Variants in KIF26B observed in about 807,000 individuals in gnomAD.
KIF26B encodes the protein kinesin family member 26B.
Under a neutral mutation model 151.2 loss-of-function variants are expected in KIF26B, and 63 were observed. That is an observed-to-expected ratio of 0.42 (90% CI 0.34 to 0.51). The LOEUF (loss-of-function observed/expected upper bound fraction) is 0.51, where lower values mean the gene tolerates loss of function less well. KIF26B is among the 20% of genes least tolerant of loss of function. The pLI, the probability that KIF26B is intolerant of heterozygous loss-of-function variation, is 0.07. For missense variants in KIF26B, 2,813 were observed against 2,913.6 expected, an observed-to-expected ratio of 0.97 and a Z score of 0.79; for synonymous variants, 1,357 against 1,262.1, an observed-to-expected ratio of 1.08 and a Z score of -1.59.
At chr1:245,398,495 G>T (rs1290442233) in intron 3 of KIF26B, among the ~76,000 whole-genome samples, 2 of 151,994 alleles carry the variant, frequency 1.3e-5, no homozygotes, top group Non-Finnish European at 2.9e-5. Context: ...CAGACACCTG[G>T]GATGATCCTG....
intron 2 of KIF26B, among the ~76,000 whole-genome samples, chr1:245,285,081 T>C (rs1453988112): frequency 1.3e-5 from 2 of 152,214 alleles, no homozygotes; most frequent in African/African-American, 4.8e-5. Flanking sequence ...TAATTTATTT[T>C]TGCTCTTGTG....
chr1:245,504,330 C>T (rs967989461), intron 4 of KIF26B, among the ~76,000 whole-genome samples: 1 of 143,880 alleles, frequency 7.0e-6, no homozygotes, highest in Non-Finnish European at 1.5e-5. Context: ...GCCCTTCCTT[C>T]CTTCCCTCCT....
chr1:245,523,463 T>A (rs1157031483), intron 4 of KIF26B, among the ~76,000 whole-genome samples: 1 of 152,154 alleles, frequency 6.6e-6, no homozygotes, highest in Non-Finnish European at 1.5e-5. Flanking sequence ...CTTTGGGTCG[T>A]TATAACAAAA....
chr1:245,497,933 AG>A (rs532174048), intron 4 of KIF26B, among the ~76,000 whole-genome samples: 38 of 152,290 alleles, frequency 2.5e-4, no homozygotes, highest in African/African-American at 8.7e-4. Flanking sequence ...TAGTAGAGAC[AG>A]GGTTTCACCT....
intron 4 of KIF26B, among the ~76,000 whole-genome samples, chr1:245,503,679 G>A (rs1428624039): frequency 6.6e-6 from 1 of 152,152 alleles, no homozygotes; most frequent in Non-Finnish European, 1.5e-5. Flanking sequence ...TGTCCGTATC[G>A]GAGAGCTGGG....
chr1:245,450,314 T>C (rs1659358264), intron 4 of KIF26B, among the ~76,000 whole-genome samples: 2 of 152,226 alleles, frequency 1.3e-5, no homozygotes, highest in Admixed American at 1.3e-4. Flanking sequence ...GGGACTTGCC[T>C]GCCACTGACA....
intron 2 of KIF26B, among the ~76,000 whole-genome samples, chr1:245,162,535 G>A (rs1158885338): frequency 1.3e-5 from 2 of 151,794 alleles, no homozygotes. Context: ...ACAGGCGCCC[G>A]CCACCACGCC....
chr1:245,213,237 C>A (rs1022350198), intron 2 of KIF26B, among the ~76,000 whole-genome samples: 2 of 152,216 alleles, frequency 1.3e-5, no homozygotes, highest in Admixed American at 6.5e-5. Context: ...AAGACAGACT[C>A]TCAGGCTGGT....
chr1:245,262,068 A>G (rs1670655087), intron 2 of KIF26B, among the ~76,000 whole-genome samples: 1 of 152,162 alleles, frequency 6.6e-6, no homozygotes, highest in Admixed American at 6.5e-5. Context: ...TGACGAGCAC[A>G]TTATTACCTC....
intron 5 of KIF26B, among the ~76,000 whole-genome samples, chr1:245,561,304 C>T (rs964154965): frequency 2.6e-5 from 4 of 152,114 alleles, no homozygotes; most frequent in Non-Finnish European, 4.4e-5. Context: ...GGGCAGCTAC[C>T]GATACAGAGG....
intron 2 of KIF26B, among the ~76,000 whole-genome samples, chr1:245,228,575 A>G (rs1187404322): frequency 6.6e-6 from 1 of 152,238 alleles, no homozygotes; most frequent in Non-Finnish European, 1.5e-5. Flanking sequence ...CTCAAAAAAA[A>G]AAAAACAAAA....
intron 3 of KIF26B, among the ~76,000 whole-genome samples, chr1:245,385,208 TTAAA>T (rs1673513526): frequency 6.6e-6 from 1 of 152,190 alleles, no homozygotes. Context: ...AATAGAGTAA[TTAAA>T]AAGAAAGTCA....
At chr1:245,297,312 C>G (rs1305805003) in intron 2 of KIF26B, among the ~76,000 whole-genome samples, 1 of 152,180 alleles carries the variant, frequency 6.6e-6, no homozygotes, top group Non-Finnish European at 1.5e-5. Context: ...CACTGCACTC[C>G]AGCCTGAGTG....
chr1:245,658,389 A>G (rs1294719119), intron 10 of KIF26B, among the ~76,000 whole-genome samples: 1 of 152,136 alleles, frequency 6.6e-6, no homozygotes, highest in Non-Finnish European at 1.5e-5. Flanking sequence ...AATATGGTCA[A>G]TTACATTGTG....
Position 245,239,142 on chromosome 1 carries a change from TG to T in KIF26B, c.465+82462del, listed in dbSNP as rs1273241791. ...TCCCCTCTCAGAATGGCCTGTGTAGTGGGAGGCCCAGGACATTTAGTGGAAG... is the reference window on the plus strand; with the variant it reads ...TCCCCTCTCAGAATGGCCTGTGTAGTGGAGGCCCAGGACATTTAGTGGAAG... On this transcript the variant is annotated intron_variant, in intron 2 of 14. Transcript: ENST00000407071. This position sits in a 1 kb window ranked among gnomAD's most constrained non-coding sequence, Gnocchi z 4.3. Among the ~76,000 whole-genome samples the T allele has an allele frequency of 2.6e-5, 4 of 152,132 alleles. No homozygotes were observed. The highest frequency in any genetic ancestry group is 5.9e-5 in the Non-Finnish European group (4 of 68,028).
chr1:245,665,004 C>T (rs138158237), intron 10 of KIF26B, among the ~76,000 whole-genome samples: 3 of 152,344 alleles, frequency 2.0e-5, no homozygotes, highest in African/African-American at 7.2e-5. Context: ...TTTATTCATA[C>T]AACCACCAAT....
At chr1:245,518,685 G>T (rs1219612266) in intron 4 of KIF26B, among the ~76,000 whole-genome samples, 3 of 152,174 alleles carry the variant, frequency 2.0e-5, no homozygotes, top group Non-Finnish European at 4.4e-5. Context: ...AAAAAATACT[G>T]ATAAGCCTTC....
rs1258834019 is a variant in KIF26B at position 245,703,449 on chromosome 1, G to A, written c.*843G>A. 6.6e-6 allele frequency: 1 copy of A among 152,216 alleles called. No homozygotes were observed. The highest frequency in any genetic ancestry group is 2.4e-5 in the African/African-American group (1 of 41,450). 9.4% of individuals were successfully genotyped at this position (152,216 alleles called of 1,614,324 possible). On this transcript the variant is annotated 3_prime_UTR_variant, in exon 15 of 15. Transcript: ENST00000407071. The stretch of plus-strand genomic sequence containing the variant: ...GAGGAGACGGCACCTGCAGCACAGG[G>A]GAGGAGGAGTCCTTTGCGACCTGGG...
At chr1:245,370,455 G>T in intron 3 of KIF26B, 1 of 304,710 alleles carries the variant, frequency 3.3e-6, no homozygotes. Flanking sequence ...TTAGGTCTTT[G>T]CTACTATAAA....
Sources: gnomAD v4.1 joint callset for allele counts (sites outside exome capture counted in the v4.1 genomes callset) on GRCh38, gnomAD v4.1.1 for gene constraint, Gnocchi (gnomAD v3.1) non-coding constraint, MANE v1.5 for transcripts, NCBI Gene and HGNC (gene_info 2026-07-23, HGNC 2026-07-21) for gene names.